NT5C3A: variants seen among roughly 807,000 people sequenced by gnomAD.
NT5C3A encodes cytosolic 5'-nucleotidase 3A.
A neutral mutation model predicts 40.0 loss-of-function variants in NT5C3A; 23 were observed. That is an observed-to-expected ratio of 0.58 (90% CI 0.41 to 0.81). NT5C3A has a LOEUF of 0.81. Ranked by LOEUF, NT5C3A falls within the 40% of genes least tolerant of loss-of-function variation. NT5C3A has a pLI of 0.00. For missense variants in NT5C3A, 328 were observed against 403.0 expected (o/e 0.81, Z 1.59); for synonymous variants, 130 against 141.4 (o/e 0.92, Z 0.57).
Position 33,017,589 on chromosome 7 carries a change from C to T in NT5C3A, c.543G>A (p.Glu181=), listed in dbSNP as rs760788561. The change falls in exon 7 of 9, where the codon GAG becomes GAA. Residue 181 remains glutamate, a synonymous_variant. Coordinates refer to ENST00000610140, the MANE Select transcript of NT5C3A (RefSeq NM_001002010.5). ...ESDVMLKEGY[E]NFFDKLQQHS... is the part of the protein sequence containing the mutation. ...GTTGTTGGAGCTTATCAAAGAAATT[C>T]TCATATCCTTCTCTGTAAGATGGAG... The T allele has an allele frequency of 6.2e-7, 1 of 1,613,304 alleles. No homozygotes were observed. The highest frequency in any genetic ancestry group is 8.5e-7 in the Non-Finnish European group (1 of 1,179,284).
In NT5C3A at chr7:33,017,586, A is replaced by T; in HGVS notation, c.546T>A (p.Asn182Lys). ...TATGTTGTTGGAGCTTATCAAAGAA[A>T]TTCTCATATCCTTCTCTGTAAGATG... is the stretch of plus-strand genomic sequence containing the variant. ...SDVMLKEGYE[N>K]FFDKLQQHSI... The change falls in exon 7 of 9, where the codon AAT (asparagine) becomes AAA (lysine). Residue 182 changes from asparagine to lysine, a missense_variant. Coordinates refer to ENST00000610140, the MANE Select transcript of NT5C3A (RefSeq NM_001002010.5). 6.2e-7 allele frequency: 1 copy of T among 1,613,604 alleles called. No homozygotes were observed.
At chr7:33,039,827 C>G (rs1786829101) in intron 1 of NT5C3A, among the ~76,000 whole-genome samples, 1 of 151,968 alleles carries the variant, frequency 6.6e-6, no homozygotes, top group Admixed American at 6.6e-5. Context: ...GAGGAAAAAA[C>G]AGATTTCAAA....
intron 2 of NT5C3A, among the ~76,000 whole-genome samples, chr7:33,025,822 A>G (rs560782104): frequency 3.5e-4 from 53 of 152,320 alleles, no homozygotes; most frequent in African/African-American, 1.2e-3. Context: ...ATAGGCAAAA[A>G]CTGTCTACCT....
intron 1 of NT5C3A, among the ~76,000 whole-genome samples, chr7:33,053,974 G>A (rs1401348856): frequency 1.3e-5 from 2 of 152,086 alleles, no homozygotes; most frequent in African/African-American, 4.8e-5. Flanking sequence ...TGATTTGAAA[G>A]GACAAAGTCA....
chr7:33,021,797 G>C, intron 4 of NT5C3A: 1 of 490,274 alleles, frequency 2.0e-6, no homozygotes, highest in Non-Finnish European at 3.7e-6. Context: ...TACAACACCA[G>C]AATACTTTGG....
intron 1 of NT5C3A, among the ~76,000 whole-genome samples, chr7:33,041,747 T>C (rs1317930631): frequency 6.6e-6 from 1 of 152,088 alleles, no homozygotes; most frequent in African/African-American, 2.4e-5. Flanking sequence ...AAAAAAAATT[T>C]TTTTTTTTAA....
At chr7:33,056,994 G>C (rs534060427) in intron 1 of NT5C3A, among the ~76,000 whole-genome samples, 85 of 152,130 alleles carry the variant, frequency 5.6e-4, no homozygotes, top group Admixed American at 4.3e-3. Context: ...TGTATTTGTA[G>C]TAGAGATGGG....
chr7:33,015,974 G>A (rs1785301630), intron 7 of NT5C3A, 104 bp from the exon 8 acceptor site: 3 of 783,194 alleles, frequency 3.8e-6, no homozygotes, highest in Non-Finnish European at 6.6e-6. Flanking sequence ...CATCATATTT[G>A]TAAATACATC....
chr7:33,041,369 A>C (rs1786904406), intron 1 of NT5C3A, among the ~76,000 whole-genome samples: 1 of 152,184 alleles, frequency 6.6e-6, no homozygotes, highest in Non-Finnish European at 1.5e-5. Flanking sequence ...AGAAGATGAA[A>C]AGAGTTCTGG....
At chr7:33,025,756 T>C (rs958745923) in intron 2 of NT5C3A, among the ~76,000 whole-genome samples, 5 of 152,262 alleles carry the variant, frequency 3.3e-5, no homozygotes, top group Non-Finnish European at 1.5e-5. Flanking sequence ...TAGGGTATTC[T>C]GTCTGTTTTA....
chr7:33,014,932 A>C, intron 8 of NT5C3A, 101 bp from the exon 9 acceptor site: 1 of 982,350 alleles, frequency 1.0e-6, no homozygotes, highest in South Asian at 1.4e-5. Context: ...AAATGCAATA[A>C]ATTAAATTCA....
At chr7:33,055,271 G>C (rs1030346916) in intron 1 of NT5C3A, among the ~76,000 whole-genome samples, 1 of 151,950 alleles carries the variant, frequency 6.6e-6, no homozygotes, top group Non-Finnish European at 1.5e-5. Context: ...GTTGCAGTGA[G>C]CTGAGATCAT....
intron 3 of NT5C3A, among the ~76,000 whole-genome samples, chr7:33,022,880 A>C (rs1011218052): frequency 2.0e-5 from 3 of 152,118 alleles, no homozygotes; most frequent in Non-Finnish European, 2.9e-5. Context: ...AAATTCTCCA[A>C]AGAGGACTTA....
intron 1 of NT5C3A, among the ~76,000 whole-genome samples, chr7:33,050,993 G>A (rs914094090): frequency 4.6e-5 from 7 of 151,872 alleles, no homozygotes; most frequent in African/African-American, 7.2e-5. Flanking sequence ...AACCTATCAG[G>A]TATGGTTTAA....
chr7:33,030,925 C>T (rs6965006), intron 1 of NT5C3A, among the ~76,000 whole-genome samples: 48,935 of 151,424 alleles, frequency 0.32, 8,261 homozygotes, highest in Non-Finnish European at 0.37. Flanking sequence ...CGGTGAAACC[C>T]TGTCTCTACT....
chr7:33,037,411 AT>A (rs1263683456), intron 1 of NT5C3A, among the ~76,000 whole-genome samples: 1 of 152,220 alleles, frequency 6.6e-6, no homozygotes, highest in African/African-American at 2.4e-5. Flanking sequence ...GATAAGTAAA[AT>A]TTTATAATTA....
chr7:33,041,542 T>C (rs1786911791), intron 1 of NT5C3A, among the ~76,000 whole-genome samples: 1 of 152,132 alleles, frequency 6.6e-6, no homozygotes, highest in Non-Finnish European at 1.5e-5. Context: ...AGACATGATA[T>C]ATGCAAATGT....
At chr7:33,028,805 C>T (rs1786088043) in intron 1 of NT5C3A, among the ~76,000 whole-genome samples, 1 of 152,030 alleles carries the variant, frequency 6.6e-6, no homozygotes, top group Non-Finnish European at 1.5e-5. Context: ...CCTGTAATCC[C>T]AGCACTTCAG....
intron 1 of NT5C3A, among the ~76,000 whole-genome samples, chr7:33,054,025 G>A (rs1358841486): frequency 6.6e-6 from 1 of 151,462 alleles, no homozygotes; most frequent in African/African-American, 2.4e-5. Context: ...ACAAATTTGG[G>A]AATTCAAGAT....
Sources: allele counts gnomAD v4.1 joint callset (sites outside exome capture counted in the v4.1 genomes callset), GRCh38; gene constraint gnomAD v4.1.1; transcripts MANE v1.5; gene names NCBI Gene and HGNC (gene_info 2026-07-23, HGNC 2026-07-21).